Variants in SH3RF1 observed in about 807,000 individuals in gnomAD.
The protein encoded by SH3RF1 is SH3 domain containing ring finger 1.
In SH3RF1, 32 loss-of-function variants were observed where a neutral mutation model predicts 74.0. The ratio of observed to expected loss-of-function variants is 0.43; its 90% confidence interval spans 0.33 to 0.58. The LOEUF is 0.58. Ranked by LOEUF, SH3RF1 falls within the 20% of genes least tolerant of loss-of-function variation. SH3RF1 has a pLI of 0.05. For synonymous variants in SH3RF1, 396 were observed against 439.6 expected (o/e 0.90, Z 1.24); for missense variants, 954 against 1,130.9 (o/e 0.84, Z 2.24).
At chr4:169,121,894 T>C (rs950904639) in intron 7 of SH3RF1, among the ~76,000 whole-genome samples, 3 of 152,332 alleles carry the variant, frequency 2.0e-5, no homozygotes, top group African/African-American at 7.2e-5. Flanking sequence ...CCATATAATA[T>C]TCTGGCAAGC....
At chr4:169,201,808 T>C (rs191390213) in intron 2 of SH3RF1, 4 of 152,338 alleles carry the variant, frequency 2.6e-5, no homozygotes, top group Non-Finnish European at 5.9e-5. Flanking sequence ...GATTTACTAT[T>C]AAAAATCCTG....
chr4:169,122,320 T>G, intron 6 of SH3RF1, 54 bp from the exon 7 acceptor site: 1 of 1,515,860 alleles, frequency 6.6e-7, no homozygotes, highest in South Asian at 1.2e-5. Flanking sequence ...AAATACTGAT[T>G]TACATCTTCC....
intron 2 of SH3RF1, among the ~76,000 whole-genome samples, chr4:169,170,654 C>G (rs768586757): frequency 1.4e-4 from 22 of 152,172 alleles, no homozygotes; most frequent in Non-Finnish European, 2.8e-4. Flanking sequence ...AGCAAAGAAT[C>G]AGCTCATTAG....
At chr4:169,159,997 T>C (rs564140189) in intron 2 of SH3RF1, among the ~76,000 whole-genome samples, 100 of 152,348 alleles carry the variant, frequency 6.6e-4, no homozygotes, top group African/African-American at 2.2e-3. Context: ...TAGATGTGGC[T>C]GTAGTTCATC....
chr4:169,193,717 T>A (rs1579130074), intron 2 of SH3RF1, among the ~76,000 whole-genome samples: 1 of 152,164 alleles, frequency 6.6e-6, no homozygotes, highest in African/African-American at 2.4e-5. Flanking sequence ...GCTCTGCCAG[T>A]CACCTGAAGG....
At chr4:169,192,141 A>G (rs1006833522) in intron 2 of SH3RF1, among the ~76,000 whole-genome samples, 4 of 152,226 alleles carry the variant, frequency 2.6e-5, no homozygotes, top group Admixed American at 2.0e-4. Flanking sequence ...TTCACAGTCT[A>G]TACATCTGAC....
chr4:169,128,634 C>T (rs1255565256), intron 6 of SH3RF1, among the ~76,000 whole-genome samples: 4 of 151,956 alleles, frequency 2.6e-5, no homozygotes, highest in Non-Finnish European at 5.9e-5. Flanking sequence ...AAATAAATAA[C>T]AAATAGGAAA....
At chr4:169,236,465 G>T (rs1251553087) in intron 2 of SH3RF1, among the ~76,000 whole-genome samples, 1 of 152,098 alleles carries the variant, frequency 6.6e-6, no homozygotes, top group Non-Finnish European at 1.5e-5. Context: ...AAATTTCAGG[G>T]TTGTTTCTTA....
At chr4:169,145,535 C>T (rs1201786993) in intron 4 of SH3RF1, among the ~76,000 whole-genome samples, 1 of 145,140 alleles carries the variant, frequency 6.9e-6, no homozygotes, top group African/African-American at 2.6e-5. Flanking sequence ...ATGTAATAAA[C>T]CAGCACATGT....
chr4:169,225,524 C>A lies in SH3RF1; in HGVS notation c.393+43296G>T, dbSNP rs116509229. Among the ~76,000 whole-genome samples, 411 of 152,228 alleles carry A rather than the reference C, an allele frequency of 2.7e-3. 2 individuals are homozygous for A. Among genetic ancestry groups the A allele is most frequent in the African/African-American group, 9.2e-3 (381 of 41,534 alleles). ...ATGCTGTGTGCAAGAGGGTTAAAAG[C>A]ACAGATGTAAAGGAGGGTAAACTGG... On this transcript the variant is annotated intron_variant, in intron 2 of 11. Coordinates refer to ENST00000284637, the MANE Select transcript of SH3RF1 (RefSeq NM_020870.4).
intron 2 of SH3RF1, among the ~76,000 whole-genome samples, chr4:169,183,763 AC>A (rs1734555218): frequency 2.0e-5 from 3 of 148,610 alleles, no homozygotes; most frequent in East Asian, 1.9e-4. Context: ...AAAAAAAAAA[AC>A]AAAACAAAAC....
intron 2 of SH3RF1, among the ~76,000 whole-genome samples, chr4:169,198,669 G>A (rs540104432): frequency 2.0e-5 from 3 of 151,972 alleles, no homozygotes; most frequent in South Asian, 2.1e-4. Context: ...TAAGCAAAAC[G>A]ATTACTAAAG....
chr4:169,136,275 T>C, intron 5 of SH3RF1, 43 bp downstream of exon 5: 1 of 1,353,436 alleles, frequency 7.4e-7, no homozygotes, highest in South Asian at 2.4e-5. Context: ...TTGATCCTTT[T>C]GTGGGTGAGC....
chr4:169,203,256 A>T (rs552339144), intron 2 of SH3RF1, among the ~76,000 whole-genome samples: 1 of 152,314 alleles, frequency 6.6e-6, no homozygotes, highest in Admixed American at 6.5e-5. Flanking sequence ...GCAAATAAAA[A>T]TATCCCAGAA....
chr4:169,270,370 G>T (rs991102234), intron 1 of SH3RF1, among the ~76,000 whole-genome samples: 1 of 152,118 alleles, frequency 6.6e-6, no homozygotes, highest in Non-Finnish European at 1.5e-5. Flanking sequence ...GCTGCGGCCC[G>T]GCCGGTCCCG....
chr4:169,109,876 G>A (rs757063967), intron 10 of SH3RF1, among the ~76,000 whole-genome samples: 7 of 151,750 alleles, frequency 4.6e-5, no homozygotes, highest in Middle Eastern at 3.2e-3. Context: ...AGGTGTGGTG[G>A]TGCATGCCTG....
At chr4:169,127,388 G>C (rs1048360650) in intron 6 of SH3RF1, among the ~76,000 whole-genome samples, 21 of 152,204 alleles carry the variant, frequency 1.4e-4, no homozygotes, top group Non-Finnish European at 1.0e-4. Context: ...TGCCATTGCT[G>C]TTAATAGTAC....
At chr4:169,117,390 A>G in intron 9 of SH3RF1, 133 bp downstream of exon 9, 2 of 1,322,390 alleles carry the variant, frequency 1.5e-6, no homozygotes, top group South Asian at 2.8e-5. Flanking sequence ...ACAAGGTGCC[A>G]CTGAGTAGAC....
At position 169,141,639 on chromosome 4, in the gene SH3RF1, C is replaced by CT. The variant is rs112366388; in HGVS notation, c.766-5020dup. Among the ~76,000 whole-genome samples the CT allele has an allele frequency of 3.8e-3, 525 of 139,770 alleles. 5 individuals are homozygous for CT. The highest frequency in any genetic ancestry group is 0.01 in the African/African-American group (384 of 37,910). The allele number at this position is 139,770 out of a possible 152,430, so 91.7% of individuals were successfully genotyped here. A position where few individuals can be genotyped will look rare whatever the true frequency, so the allele number is the denominator to read the frequency against. On this transcript the variant is annotated intron_variant, in intron 4 of 11. Coordinates refer to ENST00000284637, the MANE Select transcript of SH3RF1 (RefSeq NM_020870.4). ...TTTTTCTTATAGACTGATATAAATA[C>CT]TTTTTTTTTTTTTTTGGAGACAGGG...
Sources: gnomAD v4.1 joint callset for allele counts (sites outside exome capture counted in the v4.1 genomes callset) on GRCh38, gnomAD v4.1.1 for gene constraint, MANE v1.5 for transcripts, NCBI Gene and HGNC (gene_info 2026-07-23, HGNC 2026-07-21) for gene names.